The following PDE8A variants were observed in gnomAD, a reference collection of about 807,000 sequenced individuals.
The protein encoded by PDE8A is high affinity cAMP-specific and IBMX-insensitive 3',5'-cyclic phosphodiesterase 8A.
PDE8A carries 59 observed loss-of-function variants against 105.0 expected under a neutral mutation model. The observed-to-expected ratio is 0.56, with a 90% CI of 0.46 to 0.70. The LOEUF is 0.70. Ranked by LOEUF, PDE8A falls within the 30% of genes least tolerant of loss-of-function variation. PDE8A has a pLI of 0.00. For missense variants in PDE8A, 1,014 were observed against 1,045.9 expected (o/e 0.97, Z 0.42); for synonymous variants, 355 against 371.9 (o/e 0.95, Z 0.52).
intron 1 of PDE8A, among the ~76,000 whole-genome samples, chr15:85,060,976 C>A (rs1009816800): frequency 3.3e-5 from 5 of 152,124 alleles, no homozygotes; most frequent in African/African-American, 1.2e-4. Context: ...CAGGGCATAT[C>A]TAGTGGTAAT....
intron 5 of PDE8A, among the ~76,000 whole-genome samples, chr15:85,078,335 C>T (rs2081410354): frequency 6.6e-6 from 1 of 151,752 alleles, no homozygotes; most frequent in Admixed American, 6.6e-5. Flanking sequence ...ATCACGAGGT[C>T]AGGAGATTGA....
intron 8 of PDE8A, among the ~76,000 whole-genome samples, chr15:85,096,926 C>T (rs979856278): frequency 6.6e-6 from 1 of 152,148 alleles, no homozygotes; most frequent in African/African-American, 2.4e-5. Context: ...AAGATGAGCT[C>T]TTATCATTGG....
chr15:85,056,312 T>A (rs2081059330), intron 1 of PDE8A, among the ~76,000 whole-genome samples: 1 of 152,182 alleles, frequency 6.6e-6, no homozygotes, highest in Non-Finnish European at 1.5e-5. Context: ...TCGAGGAGTA[T>A]CTTTGTGGCG....
At chr15:85,050,368 C>A (rs529491519) in intron 1 of PDE8A, among the ~76,000 whole-genome samples, 2 of 152,186 alleles carry the variant, frequency 1.3e-5, no homozygotes, top group East Asian at 3.9e-4. Context: ...CCATTGATAT[C>A]ATACCCAAAA....
intron 1 of PDE8A, among the ~76,000 whole-genome samples, chr15:85,050,047 A>G (rs1389603489): frequency 6.6e-6 from 1 of 151,808 alleles, no homozygotes; most frequent in African/African-American, 2.4e-5. Flanking sequence ...TTTGATTTTC[A>G]TTTCCCTACT....
chr15:85,096,484 G>A (rs1163079033), intron 8 of PDE8A, among the ~76,000 whole-genome samples: 1 of 152,116 alleles, frequency 6.6e-6, no homozygotes, highest in East Asian at 1.9e-4. Flanking sequence ...ATACTATTTG[G>A]TGGTTCTTAG....
At position 85,117,857 on chromosome 15, in the gene PDE8A, T is replaced by A. The variant is rs1239517460; in HGVS notation, c.1734+18T>A. ...GGATAAAGGTGAGCTGTTGTTTACC[T>A]GCCACATTTAATGGGCAGGAGCAGT... On this transcript the variant is annotated intron_variant, in intron 17 of 21. Coordinates refer to ENST00000394553, the MANE Select transcript of PDE8A (RefSeq NM_002605.3). 1.3e-6 allele frequency: 2 copies of A among 1,595,642 alleles called. No individual in the cohort carries two copies.
intron 8 of PDE8A, 121 bp from the exon 9 acceptor site, chr15:85,097,827 T>A (rs1212914173): frequency 1.6e-6 from 1 of 633,496 alleles, no homozygotes; most frequent in Non-Finnish European, 2.8e-6. Context: ...CAGTTTGGGG[T>A]TGGGATCATT....
At chr15:85,006,113 AC>A (rs1296332007) in intron 1 of PDE8A, among the ~76,000 whole-genome samples, 3 of 151,862 alleles carry the variant, frequency 2.0e-5, no homozygotes, top group Non-Finnish European at 4.4e-5. Context: ...CACTCTGGGG[AC>A]TGTTGTGAGG....
intron 17 of PDE8A, among the ~76,000 whole-genome samples, chr15:85,118,425 C>T (rs2141614835): frequency 6.6e-6 from 1 of 152,272 alleles, no homozygotes. Flanking sequence ...CTGCTGCTGT[C>T]CCAGTGAGGC....
At chr15:85,054,681 T>C (rs376456350) in intron 1 of PDE8A, among the ~76,000 whole-genome samples, 1 of 152,228 alleles carries the variant, frequency 6.6e-6, no homozygotes, top group Admixed American at 6.5e-5. Flanking sequence ...TCATTTTCTA[T>C]TGTGTCTATT....
intron 1 of PDE8A, among the ~76,000 whole-genome samples, chr15:84,985,841 T>G (rs890126277): frequency 3.3e-5 from 5 of 152,196 alleles, no homozygotes; most frequent in African/African-American, 1.2e-4. Context: ...TTTGGTTTTG[T>G]GGAAATCTCT....
At chr15:85,134,019 G>T (rs1286047565) in intron 20 of PDE8A, among the ~76,000 whole-genome samples, 2 of 152,310 alleles carry the variant, frequency 1.3e-5, no homozygotes, top group South Asian at 2.1e-4. Flanking sequence ...CAGAAAGGAA[G>T]CATCTACAGG....
chr15:85,026,393 T>C (rs902094845), intron 1 of PDE8A, among the ~76,000 whole-genome samples: 13 of 152,260 alleles, frequency 8.5e-5, no homozygotes, highest in Admixed American at 5.9e-4. Context: ...ATGTAGACTC[T>C]CCATGTGGTC....
In PDE8A at chr15:85,117,622, G is replaced by A. The variant is rs774180777; in HGVS notation, c.1536-19G>A. On this transcript the variant is annotated intron_variant, in intron 16 of 21. Transcript: ENST00000394553. The stretch of plus-strand genomic sequence containing the variant: ...TTGTTTGCTTTGTTCTAATATTGTG[G>A]GGTTTTTTCTGTCTATAGGCCTTTG... The A allele has an allele frequency of 5.6e-6, 9 of 1,605,014 alleles. No individual in the cohort carries two copies. The South Asian group carries it at 7.7e-5, about 14-fold the overall frequency.
chr15:85,076,684 T>C (rs2081384672), intron 4 of PDE8A, 49 bp from the exon 5 acceptor site: 1 of 1,085,970 alleles, frequency 9.2e-7, no homozygotes, highest in African/African-American at 1.5e-5. Context: ...AGAGGTGAGA[T>C]GTAATTGATA....
At chr15:85,134,709 T>C (rs957927656) in intron 20 of PDE8A, among the ~76,000 whole-genome samples, 1 of 152,194 alleles carries the variant, frequency 6.6e-6, no homozygotes, top group African/African-American at 2.4e-5. Flanking sequence ...CTCTGGGCAC[T>C]GTGCTAGGTA....
intron 1 of PDE8A, among the ~76,000 whole-genome samples, chr15:85,025,068 C>T (rs1596453454): frequency 6.6e-6 from 1 of 152,208 alleles, no homozygotes; most frequent in East Asian, 1.9e-4. Context: ...TAAACCTTTT[C>T]TTTCACTGTT....
intron 11 of PDE8A, among the ~76,000 whole-genome samples, chr15:85,100,538 C>G (rs2081844298): frequency 6.6e-6 from 1 of 152,228 alleles, no homozygotes; most frequent in African/African-American, 2.4e-5. Flanking sequence ...ACAGGGATGT[C>G]TTCATCTGTC....
Sources: allele counts gnomAD v4.1 joint callset (sites outside exome capture counted in the v4.1 genomes callset), GRCh38; gene constraint gnomAD v4.1.1; transcripts MANE v1.5; gene names NCBI Gene and HGNC (gene_info 2026-07-23, HGNC 2026-07-21).